Variants in INO80E observed in about 807,000 individuals in gnomAD.
The protein encoded by INO80E is INO80 complex subunit E, also known as coiled-coil domain containing 95.
A neutral mutation model predicts 27.3 loss-of-function variants in INO80E; 20 were observed. The observed-to-expected ratio is 0.73, with a 90% confidence interval of 0.51 to 1.06. INO80E has a LOEUF of 1.06. INO80E is among the 50% of genes least tolerant of loss of function. The pLI, the probability that INO80E is intolerant of heterozygous loss-of-function variation, is 0.00. For synonymous variants in INO80E, 167 were observed against 145.9 expected (o/e 1.14, Z -1.04); for missense variants, 357 against 322.8 (o/e 1.11, Z -0.81).
intron 2 of INO80E, 54 bp from the exon 3 acceptor site, chr16:29,996,754 G>C: frequency 6.2e-7 from 1 of 1,603,272 alleles, no homozygotes; most frequent in Non-Finnish European, 8.5e-7. Context: ...AGGTACCCAG[G>C]AGGACATTGC....
chr16:29,998,266 G>A (rs1213964492), intron 3 of INO80E, among the ~76,000 whole-genome samples: 1 of 150,576 alleles, frequency 6.6e-6, no homozygotes, highest in Non-Finnish European at 1.5e-5. Context: ...AGTCCAGCCT[G>A]GGCAACAGAG....
chr16:30,005,309 C>CCA lies in INO80E; in HGVS notation c.603_604insAC (p.Pro202ThrfsTer14). 1 of 529,330 alleles carries CCA rather than the reference C, an allele frequency of 1.9e-6. No homozygotes were observed. Among genetic ancestry groups the CCA allele is most frequent in the South Asian group, 2.6e-5 (1 of 38,894 alleles). 32.8% of individuals were successfully genotyped at this position (529,330 alleles called of 1,614,324 possible). A position where few individuals can be genotyped will look rare whatever the true frequency, so the allele number is the denominator to read the frequency against. On this transcript the variant is annotated frameshift_variant, in exon 7 of 7. Coordinates refer to ENST00000563197, the MANE Select transcript of INO80E (RefSeq NM_173618.3). LOFTEE classifies it high-confidence loss of function. Reference sequence around the variant, plus strand: ...GGGGCTGGGGTCGGGACAACCCTGACCCCCCTCCCACCCCCTAAGATGCCC... The same window carrying CCA: ...GGGGCTGGGGTCGGGACAACCCTGACCACCCCCTCCCACCCCCTAAGATGCCC...
rs753300078 is a variant in INO80E at position 29,996,835 on chromosome 16, C to G, written c.180C>G (p.Tyr60Ter). The change falls in exon 3 of 7, where the codon TAC becomes TAG. Residue 60 changes from tyrosine to a stop codon, truncating the protein, a stop_gained. Transcript: ENST00000563197. LOFTEE classifies it high-confidence loss of function. The part of the protein sequence containing the change: ...KSFLLDRLLQ[Y>*]ENVDEDSSDS... ...TCCTCCTAGACCGACTTCTGCAGTACGAGAACGTGGATGAAGACTCTTCGG... is the reference window on the plus strand; with the variant it reads ...TCCTCCTAGACCGACTTCTGCAGTAGGAGAACGTGGATGAAGACTCTTCGG... 1 of 1,614,140 alleles carries G rather than the reference C, an allele frequency of 6.2e-7. No homozygotes were observed. Among genetic ancestry groups the G allele is most frequent in the Non-Finnish European group, 8.5e-7 (1 of 1,179,988 alleles).
At chr16:29,998,183 C>T (rs1423164660) in intron 3 of INO80E, among the ~76,000 whole-genome samples, 1 of 150,850 alleles carries the variant, frequency 6.6e-6, no homozygotes, top group Non-Finnish European at 1.5e-5. Context: ...CCCAGTTACT[C>T]GGGAGGCTGA....
In INO80E at chr16:29,996,608, G is replaced by A. The variant is rs769159875; in HGVS notation, c.143G>A (p.Arg48Gln). Residue 48 changes from arginine (R) to glutamine (Q), a missense_variant, in exon 2 of 7, where the codon CGG becomes CAG. Transcript: ENST00000563197. ...CAAAGGAAATTACTGAAGGTGTCCCGGGACAAGAGGTGAGGCACGTTGCAG... is the reference window on the plus strand; with the variant it reads ...CAAAGGAAATTACTGAAGGTGTCCCAGGACAAGAGGTGAGGCACGTTGCAG... ...KAQRKLLKVS[R>Q]DKSFLLDRLL... 12 of 1,580,056 alleles carry A rather than the reference G, an allele frequency of 7.6e-6. No homozygotes were observed. Among genetic ancestry groups the A allele is most frequent in the Non-Finnish European group, 1.0e-5 (12 of 1,162,886 alleles).
rs2070556481 is a variant in INO80E at position 30,005,701 on chromosome 16, G to T, written c.*259G>T. On this transcript the variant is annotated 3_prime_UTR_variant, in exon 7 of 7. Coordinates refer to ENST00000563197, the MANE Select transcript of INO80E (RefSeq NM_173618.3). ...GCATCTGCCACCTGCTGGGGAGGCA[G>T]AGACCCTGCAATGGCCACCTCTTTA... 5.5e-6 allele frequency: 3 copies of T among 545,502 alleles called. No homozygotes were observed. The highest frequency in any genetic ancestry group is 9.6e-6 in the Non-Finnish European group (3 of 312,386). 33.8% of individuals were successfully genotyped at this position (545,502 alleles called of 1,614,324 possible).
At chr16:30,001,298 A>G in intron 5 of INO80E, 116 bp from the exon 6 acceptor site, 1 of 1,498,262 alleles carries the variant, frequency 6.7e-7, no homozygotes, top group Non-Finnish European at 8.9e-7. Flanking sequence ...GAGCCCCGGG[A>G]GCCGCACTCA....
At chr16:29,996,779 A>G (rs538247025) in intron 2 of INO80E, 29 bp from the exon 3 acceptor site, 2 of 1,613,116 alleles carry the variant, frequency 1.2e-6, no homozygotes, top group African/African-American at 2.7e-5. Context: ...CTGGAAAATC[A>G]CTGTCCGTGT....
intron 3 of INO80E, among the ~76,000 whole-genome samples, chr16:29,999,844 G>C (rs2070282310): frequency 6.6e-6 from 1 of 152,218 alleles, no homozygotes; most frequent in Non-Finnish European, 1.5e-5. Context: ...GGGGTTGGGG[G>C]TGGACAGTGG....
At position 30,001,495 on chromosome 16, in the gene INO80E, C is replaced by T. The variant is rs145127821; in HGVS notation, c.478C>T (p.Arg160Trp). Residue 160 changes from arginine to tryptophan, a missense_variant, in exon 6 of 7, where the codon CGG (arginine) becomes TGG (tryptophan). Arg to Trp is a moderately radical substitution (Grantham distance 101). Transcript: ENST00000563197. ...CGAGCCCAGTCCCCTGAGGCCCAAG[C>T]GGGAGAAACGGCCCCGCCTGCCCCG... Reference protein sequence around the residue: ...LPEPSPLRPKREKRPRLPRKL... With the variant: ...LPEPSPLRPKWEKRPRLPRKL... The T allele has an allele frequency of 1.2e-5, 20 of 1,612,548 alleles. No individual in the cohort carries two copies. Among genetic ancestry groups the T allele is most frequent in the East Asian group, 4.5e-5 (2 of 44,852 alleles).
At chr16:30,002,667 G>A (rs930295351) in intron 6 of INO80E, 24 of 152,416 alleles carry the variant, frequency 1.6e-4, no homozygotes, top group Admixed American at 9.8e-4. Context: ...CCTGGAGATG[G>A]GAGGGCTGTG....
At position 30,000,852 on chromosome 16, in the gene INO80E, A is replaced by T. The variant is rs747295013; in HGVS notation, c.284+16A>T. 17 of 1,612,536 alleles carry T rather than the reference A, an allele frequency of 1.1e-5. 1 individual carries two copies. In the South Asian group the frequency reaches 1.9e-4, roughly 18 times the overall value. On this transcript the variant is annotated intron_variant, in intron 4 of 6. Transcript: ENST00000563197. ...CCCCTAAGAGGTGAGAAGAAGATGCATTCCTCTCGCTGGGGAGGGTCAGGT... is the reference window on the plus strand; with the variant it reads ...CCCCTAAGAGGTGAGAAGAAGATGCTTTCCTCTCGCTGGGGAGGGTCAGGT...
intron 6 of INO80E, chr16:30,001,737 C>T (rs1008331411): frequency 4.1e-5 from 22 of 537,988 alleles, no homozygotes; most frequent in East Asian, 2.5e-4. Context: ...TTGGAGGACC[C>T]GGTGTGCAGA....
intron 3 of INO80E, among the ~76,000 whole-genome samples, chr16:29,999,958 G>A (rs147173933): frequency 2.0e-5 from 3 of 152,256 alleles, no homozygotes; most frequent in Non-Finnish European, 4.4e-5. Flanking sequence ...GAGGACTTCA[G>A]GGGTAGATGA....
rs1260741767 is a variant in INO80E, at chr16:30,001,459, C to T, written c.442C>T (p.Leu148=). The change falls in exon 6 of 7, where the codon CTG becomes TTG. Residue 148 remains leucine, a synonymous_variant. Transcript: ENST00000563197. ...YPPFPSDYLA[L]QLPEPSPLRP... ...CCCATTCCCTTCTGACTACCTGGCC[C>T]TGCAGCTGCCCGAGCCCAGTCCCCT... 6.2e-7 allele frequency: 1 copy of T among 1,612,934 alleles called. No homozygotes were observed. The highest frequency in any genetic ancestry group is 8.5e-7 in the Non-Finnish European group (1 of 1,179,544).
At position 30,005,478 on chromosome 16, in the gene INO80E, C is replaced by T. The variant is rs74015003; in HGVS notation, c.*36C>T. The stretch of plus-strand genomic sequence containing the variant: ...ACGCCATGCCCACCACGGCCCCGCC[C>T]GGCGCCCTCCCCGTGCCAGCACACA... On this transcript the variant is annotated 3_prime_UTR_variant, in exon 7 of 7. Transcript: ENST00000563197. The T allele has an allele frequency of 7.2e-4, 1,115 of 1,554,146 alleles. 8 individuals are homozygous for T. In the African/African-American group the frequency reaches 0.014, roughly 19 times the overall value.
intron 2 of INO80E, 54 bp downstream of exon 2, chr16:29,996,671 C>A: frequency 1.9e-6 from 3 of 1,582,998 alleles, no homozygotes; most frequent in Non-Finnish European, 2.6e-6. Context: ...AATCTACATT[C>A]GGACCCCATC....
intron 6 of INO80E, 174 bp downstream of exon 6, chr16:30,001,704 G>A (rs2070362846): frequency 1.6e-6 from 1 of 625,624 alleles, no homozygotes; most frequent in Admixed American, 3.1e-5. Context: ...CTTGTATGGA[G>A]ACAAATCAGG....
rs573364240 is a variant in INO80E at position 29,997,156 on chromosome 16, G to A, written c.205+296G>A. Among the ~76,000 whole-genome samples the A allele has an allele frequency of 2.6e-5, 4 of 152,334 alleles. No homozygotes were observed. The South Asian group carries it at 8.3e-4, about 32-fold the overall frequency. The stretch of plus-strand genomic sequence containing the variant: ...ATAAGTAAATGAAGACAATAGACTA[G>A]AATTTTAGGTCATAGGAAGGACTTG... On this transcript the variant is annotated intron_variant, in intron 3 of 6. Transcript: ENST00000563197.
Sources: allele counts gnomAD v4.1 joint callset (sites outside exome capture counted in the v4.1 genomes callset), GRCh38; gene constraint gnomAD v4.1.1; transcripts MANE v1.5; gene names NCBI Gene and HGNC (gene_info 2026-07-23, HGNC 2026-07-21).